EPHA5: variants seen among roughly 807,000 people sequenced by gnomAD.
EPHA5 encodes the protein EPH receptor A5, also known as ephrin type-A receptor 5.
In EPHA5, 60 loss-of-function variants were observed where a neutral mutation model predicts 105.0. The ratio of observed to expected loss-of-function variants is 0.57; its 90% confidence interval spans 0.46 to 0.71. The LOEUF (loss-of-function observed/expected upper bound fraction) is 0.71. Among genes scored for constraint, EPHA5 ranks in the 30% least tolerant of loss-of-function variants. EPHA5 has a pLI of 0.00. For synonymous variants in EPHA5, 513 were observed against 449.1 expected (o/e 1.14, Z -1.80); for missense variants, 1,218 against 1,274.7 (o/e 0.96, Z 0.68).
chr4:65,493,497 T>C (rs1731621682), intron 4 of EPHA5, among the ~76,000 whole-genome samples: 1 of 152,168 alleles, frequency 6.6e-6, no homozygotes, highest in Admixed American at 6.5e-5. Context: ...GATAAGGAAA[T>C]CATATGCAGT....
chr4:65,365,026 C>T lies in EPHA5; in HGVS notation c.2164G>A (p.Val722Met). 6.2e-7 allele frequency: 1 copy of T among 1,610,462 alleles called. No individual in the cohort carries two copies. Among genetic ancestry groups the T allele is most frequent in the South Asian group, 1.1e-5 (1 of 90,818 alleles). The change falls in exon 11 of 17, where the codon GTG becomes ATG. Residue 722 changes from valine to methionine, a missense_variant. Coordinates refer to ENST00000613740, the MANE Select transcript of EPHA5 (RefSeq NM_001281766.3). ...TTGCCATCATACTTACTTTTGGTCA[C>T]CACACCTTCTAAATGGATGATGTTA... ...HPNIIHLEGV[V>M]TKSKPVMIVT...
chr4:65,569,983 A>T (rs1739951871), intron 3 of EPHA5, among the ~76,000 whole-genome samples: 1 of 151,764 alleles, frequency 6.6e-6, no homozygotes, highest in African/African-American at 2.4e-5. Flanking sequence ...CTAAGTTAGC[A>T]ACAACATATT....
intron 3 of EPHA5, among the ~76,000 whole-genome samples, chr4:65,579,701 C>T (rs1201354679): frequency 3.3e-5 from 5 of 151,766 alleles, no homozygotes; most frequent in Admixed American, 6.6e-5. Flanking sequence ...TGAATATTCT[C>T]GTGTTTTAGA....
At chr4:65,363,911 C>T (rs1462776460) in intron 11 of EPHA5, among the ~76,000 whole-genome samples, 1 of 151,430 alleles carries the variant, frequency 6.6e-6, no homozygotes, top group African/African-American at 2.4e-5. Context: ...TTCCACACAT[C>T]CATTAAAGAA....
intron 1 of EPHA5, among the ~76,000 whole-genome samples, chr4:65,668,970 T>A (rs1479706515): frequency 6.6e-6 from 1 of 151,910 alleles, no homozygotes; most frequent in Non-Finnish European, 1.5e-5. Context: ...TCCTTCGCTA[T>A]ACCCCTCCCA....
chr4:65,582,359 C>T (rs577170975), intron 3 of EPHA5, among the ~76,000 whole-genome samples: 14 of 151,266 alleles, frequency 9.3e-5, no homozygotes, highest in Non-Finnish European at 1.6e-4. Context: ...ACGAGGGAAA[C>T]TGTGCATCAG....
chr4:65,528,988 G>A (rs1735506344), intron 3 of EPHA5, among the ~76,000 whole-genome samples: 1 of 152,144 alleles, frequency 6.6e-6, no homozygotes, highest in African/African-American at 2.4e-5. Flanking sequence ...CATGGTCTAG[G>A]AAAGCACTGA....
At chr4:65,393,448 C>G (rs1428640210) in intron 8 of EPHA5, among the ~76,000 whole-genome samples, 1 of 152,130 alleles carries the variant, frequency 6.6e-6, no homozygotes, top group Non-Finnish European at 1.5e-5. Context: ...GTGACCATTT[C>G]CCCTTAGTGA....
intron 13 of EPHA5, among the ~76,000 whole-genome samples, chr4:65,350,186 G>A (rs770901832): frequency 9.9e-5 from 15 of 152,008 alleles, no homozygotes; most frequent in Non-Finnish European, 1.9e-4. Flanking sequence ...ATTCCCAAAA[G>A]AATTCTTAAT....
At chr4:65,491,199 T>C (rs1342877204) in intron 4 of EPHA5, among the ~76,000 whole-genome samples, 3 of 151,352 alleles carry the variant, frequency 2.0e-5, no homozygotes, top group Admixed American at 6.6e-5. Context: ...AAAAAAACCT[T>C]AGCATGCTTC....
chr4:65,575,562 A>G (rs1328651188), intron 3 of EPHA5, among the ~76,000 whole-genome samples: 1 of 152,164 alleles, frequency 6.6e-6, no homozygotes, highest in Non-Finnish European at 1.5e-5. Context: ...TTATCCTATG[A>G]AGCAATTGAG....
chr4:65,548,264 A>G (rs1737577467), intron 3 of EPHA5, among the ~76,000 whole-genome samples: 1 of 106,210 alleles, frequency 9.4e-6, no homozygotes, highest in Admixed American at 8.9e-5. Context: ...ACCTATTTTA[A>G]AATACAAAAG....
intron 1 of EPHA5, among the ~76,000 whole-genome samples, chr4:65,648,358 C>A (rs1280540373): frequency 6.6e-6 from 1 of 152,128 alleles, no homozygotes; most frequent in Non-Finnish European, 1.5e-5. Flanking sequence ...GTATTAGATT[C>A]TCCAGGAAAT....
intron 6 of EPHA5, among the ~76,000 whole-genome samples, chr4:65,419,198 C>T (rs1419575309): frequency 6.6e-6 from 1 of 151,886 alleles, no homozygotes; most frequent in Non-Finnish European, 1.5e-5. Context: ...ACTCTTTTAT[C>T]TATGCATGTA....
intron 3 of EPHA5, among the ~76,000 whole-genome samples, chr4:65,524,239 G>T (rs1048268048): frequency 6.6e-6 from 1 of 151,762 alleles, no homozygotes; most frequent in Non-Finnish European, 1.5e-5. Flanking sequence ...CAAAGTGACC[G>T]AATAAAGGGA....
chr4:65,534,102 CAT>C, intron 3 of EPHA5, among the ~76,000 whole-genome samples: 1 of 152,132 alleles, frequency 6.6e-6, no homozygotes, highest in Non-Finnish European at 1.5e-5. Context: ...TGTGCCCAAA[CAT>C]GTTAAATTTA....
chr4:65,330,121 T>C (rs1720464099), intron 16 of EPHA5, among the ~76,000 whole-genome samples: 1 of 151,370 alleles, frequency 6.6e-6, no homozygotes. Flanking sequence ...GACAGACCAA[T>C]ACTTTCTGAA....
intron 3 of EPHA5, among the ~76,000 whole-genome samples, chr4:65,549,393 G>C (rs147386522): frequency 6.6e-6 from 1 of 152,098 alleles, no homozygotes; most frequent in East Asian, 1.9e-4. Flanking sequence ...CTAGATGCAA[G>C]AATGATGAAT....
intron 8 of EPHA5, among the ~76,000 whole-genome samples, chr4:65,400,379 TA>T (rs1473057792): frequency 6.6e-6 from 1 of 152,158 alleles, no homozygotes. Context: ...AAGAAACATT[TA>T]AAGGTTAATG....
Sources: gnomAD v4.1 joint callset for allele counts (sites outside exome capture counted in the v4.1 genomes callset) on GRCh38, gnomAD v4.1.1 for gene constraint, MANE v1.5 for transcripts, NCBI Gene and HGNC (gene_info 2026-07-23, HGNC 2026-07-21) for gene names.